Variants in RUFY2 observed in about 807,000 individuals in gnomAD.
RUFY2 encodes RUN and FYVE domain-containing protein 2.
A neutral mutation model predicts 94.4 loss-of-function variants in RUFY2; 49 were observed. The ratio of observed to expected loss-of-function variants is 0.52; its 90% CI spans 0.41 to 0.66. The LOEUF (loss-of-function observed/expected upper bound fraction) is 0.66. Ranked by LOEUF, RUFY2 falls within the 30% of genes least tolerant of loss-of-function variation. RUFY2 has a pLI of 0.00. For missense variants in RUFY2, 541 were observed against 692.8 expected (o/e 0.78, Z 2.46); for synonymous variants, 255 against 235.7 (o/e 1.08, Z -0.75).
chr10:68,374,233 C>T (rs1185644869), intron 13 of RUFY2, among the ~76,000 whole-genome samples: 1 of 150,430 alleles, frequency 6.6e-6, no homozygotes, highest in African/African-American at 2.4e-5. Flanking sequence ...GCTAGGAGTG[C>T]AAGACTAGCC....
At chr10:68,341,195 A>G (rs1197836479), downstream of RUFY2, 12 of 1,583,752 alleles carry the variant, frequency 7.6e-6, no homozygotes, top group South Asian at 2.3e-5. Flanking sequence ...ACTAAATCCA[A>G]TACGAGTTCA....
chr10:68,370,448 CTTTTTTT>C (rs949829713), intron 13 of RUFY2, among the ~76,000 whole-genome samples: 1,863 of 126,148 alleles, frequency 0.015, 43 homozygotes, highest in African/African-American at 0.048. Context: ...TTTCTTTTTT[CTTTTTTT>C]TTTTTTTTTT....
chr10:68,364,023 A>T lies in RUFY2; in HGVS notation c.1416T>A (p.His472Gln). 5 of 1,609,034 alleles carry T rather than the reference A, an allele frequency of 3.1e-6. No homozygotes were observed. The highest frequency in any genetic ancestry group is 4.3e-6 in the Non-Finnish European group (5 of 1,175,810). The change falls in exon 14 of 18, where the codon CAT becomes CAA. Residue 472 changes from histidine (H) to glutamine (Q), a missense_variant. By Grantham distance (24) the His-to-Gln change is conservative (BLOSUM62 0). Transcript: ENST00000602465. ...TGATTTGTTGAGTCTCATTTCTAAG[A>T]TGAGATAAGGCATCTTTCTCCTTTT... is the stretch of plus-strand genomic sequence containing the variant. ...DLQKEKDALS[H>Q]LRNETQQIIS...
chr10:68,389,726 G>A (rs1348499479), intron 7 of RUFY2, among the ~76,000 whole-genome samples: 1 of 152,094 alleles, frequency 6.6e-6, no homozygotes, highest in Non-Finnish European at 1.5e-5. Flanking sequence ...CCCAGTAGGT[G>A]GAGGTTGCAG....
intron 1 of RUFY2, chr10:68,406,884 C>A: frequency 6.3e-7 from 1 of 1,595,814 alleles, no homozygotes; most frequent in East Asian, 2.3e-5. Context: ...GCCTGCTCCC[C>A]GACCCGGGAG....
chr10:68,367,055 C>T (rs953607562), intron 13 of RUFY2, among the ~76,000 whole-genome samples: 1 of 151,276 alleles, frequency 6.6e-6, no homozygotes, highest in Non-Finnish European at 1.5e-5. Context: ...GTAATCTCAT[C>T]TACTCGGGAG....
intron 15 of RUFY2, among the ~76,000 whole-genome samples, chr10:68,359,005 C>T (rs890321911): frequency 8.5e-5 from 13 of 152,118 alleles, no homozygotes; most frequent in Non-Finnish European, 1.8e-4. Context: ...TCAAAAAAGA[C>T]GGCCTCTCTA....
At chr10:68,383,333 A>G (rs1294626613) in intron 10 of RUFY2, among the ~76,000 whole-genome samples, 1 of 148,648 alleles carries the variant, frequency 6.7e-6, no homozygotes, top group African/African-American at 2.5e-5. Flanking sequence ...TCAAAACAAC[A>G]ATAGGCTGGG....
intron 4 of RUFY2, among the ~76,000 whole-genome samples, chr10:68,395,918 G>C (rs886345007): frequency 2.0e-5 from 3 of 152,168 alleles, no homozygotes; most frequent in Admixed American, 6.6e-5. Context: ...AGAATGAATG[G>C]AGGACCACCA....
At chr10:68,403,371 C>T (rs1445132253) in intron 2 of RUFY2, among the ~76,000 whole-genome samples, 1 of 152,052 alleles carries the variant, frequency 6.6e-6, no homozygotes, top group Non-Finnish European at 1.5e-5. Flanking sequence ...CCTGCCTCAG[C>T]CTCCTGAGTA....
intron 7 of RUFY2, among the ~76,000 whole-genome samples, chr10:68,392,759 A>C (rs537432658): frequency 1.5e-5 from 2 of 135,204 alleles, no homozygotes; most frequent in Non-Finnish European, 3.0e-5. Context: ...CGTCTCTACT[A>C]AAATACAAAA....
At chr10:68,395,345 T>TA (rs1038883182) in intron 4 of RUFY2, among the ~76,000 whole-genome samples, 2,878 of 126,402 alleles carry the variant, frequency 0.023, 79 homozygotes, top group African/African-American at 0.073. Context: ...CTCAAGAAAA[T>TA]AAAAAAAAAA....
Sources: allele counts gnomAD v4.1 joint callset (sites outside exome capture counted in the v4.1 genomes callset), GRCh38; gene constraint gnomAD v4.1.1; transcripts MANE v1.5; gene names NCBI Gene and HGNC (gene_info 2026-07-23, HGNC 2026-07-21).